OPRM1: variants seen among roughly 807,000 people sequenced by gnomAD.
OPRM1 encodes mu-type opioid receptor.
In OPRM1, 27 loss-of-function variants were observed where a neutral mutation model predicts 31.8. The ratio of observed to expected loss-of-function variants is 0.85; its 90% CI spans 0.63 to 1.17. The LOEUF is 1.17. OPRM1 is among the 50% of genes most tolerant of loss of function. The probability of loss-of-function intolerance (pLI) is 0.00; values close to 1 mark genes in which losing one functional copy is unlikely to be tolerated. For missense variants in OPRM1, 536 were observed against 511.1 expected (o/e 1.05, Z -0.47); for synonymous variants, 196 against 189.9 (o/e 1.03, Z -0.26).
At chr6:154,239,410 T>G (rs1003542164) in intron 3 of OPRM1, among the ~76,000 whole-genome samples, 6 of 152,346 alleles carry the variant, frequency 3.9e-5, no homozygotes, top group African/African-American at 1.4e-4. Context: ...AAAAATTCAT[T>G]TCCACACATG....
At chr6:154,180,623 C>G (rs888369931) in intron 3 of OPRM1, among the ~76,000 whole-genome samples, 1 of 152,042 alleles carries the variant, frequency 6.6e-6, no homozygotes, top group East Asian at 1.9e-4. Flanking sequence ...GTCGAGAACA[C>G]TGTATGCAGA....
chr6:154,162,999 TCAGAG>T (rs1282182596), intron 3 of OPRM1, among the ~76,000 whole-genome samples: 1 of 152,152 alleles, frequency 6.6e-6, no homozygotes, highest in Non-Finnish European at 1.5e-5. Flanking sequence ...TTCCAGTTGC[TCAGAG>T]CAAACACTGG....
Position 154,116,731 on chromosome 6 carries a change from G to A in OPRM1, c.1165-1952G>A, listed in dbSNP as rs533900140. ...GACATAATTTGCACAGTGTTTTAAA[G>A]TATAAGGTCCCACATGAGACAGCCT... On this transcript the variant is annotated intron_variant, in intron 3 of 3. Coordinates refer to ENST00000330432, the MANE Select transcript of OPRM1 (RefSeq NM_000914.5). 3.9e-5 allele frequency among the ~76,000 whole-genome samples: 6 copies of A among 152,262 alleles called. No individual in the cohort carries two copies. In the East Asian group the frequency reaches 9.7e-4, roughly 24 times the overall value.
At chr6:154,172,798 G>A (rs35503700) in intron 3 of OPRM1, among the ~76,000 whole-genome samples, 29,443 of 152,294 alleles carry the variant, frequency 0.19, 3,452 homozygotes, top group East Asian at 0.41. Context: ...CAGCTCTGAA[G>A]AGAGCAGTGG....
At chr6:154,100,193 C>T (rs1381372519) in intron 3 of OPRM1, among the ~76,000 whole-genome samples, 1 of 126,672 alleles carries the variant, frequency 7.9e-6, no homozygotes, top group Non-Finnish European at 1.6e-5. Context: ...TATGACATAT[C>T]ATAATATATA....
intron 3 of OPRM1, among the ~76,000 whole-genome samples, chr6:154,211,348 G>A (rs946828534): frequency 4.6e-5 from 7 of 151,844 alleles, no homozygotes; most frequent in African/African-American, 9.7e-5. Context: ...GGCAGAGCTT[G>A]CAGTGAGCCA....
chr6:154,216,123 A>G (rs1562546900), intron 3 of OPRM1, among the ~76,000 whole-genome samples: 1 of 152,202 alleles, frequency 6.6e-6, no homozygotes, highest in African/African-American at 2.4e-5. Context: ...CCAATCATAA[A>G]TATCAATCCT....
At chr6:154,169,076 C>T (rs1799663222) in intron 3 of OPRM1, among the ~76,000 whole-genome samples, 1 of 151,388 alleles carries the variant, frequency 6.6e-6, no homozygotes, top group African/African-American at 2.4e-5. Context: ...CAAATATCAT[C>T]CAGGCTGGGT....
chr6:154,081,975 A>G (rs1789273194), intron 1 of OPRM1, among the ~76,000 whole-genome samples: 1 of 152,224 alleles, frequency 6.6e-6, no homozygotes, highest in African/African-American at 2.4e-5. Context: ...TTCCTGCAGC[A>G]GGATTCAGAG....
At chr6:154,102,750 T>C (rs1795018935) in intron 3 of OPRM1, among the ~76,000 whole-genome samples, 1 of 152,172 alleles carries the variant, frequency 6.6e-6, no homozygotes, top group Non-Finnish European at 1.5e-5. Flanking sequence ...ATCTAACCTG[T>C]TTAATTTTGT....
intron 3 of OPRM1, among the ~76,000 whole-genome samples, chr6:154,161,365 C>A (rs2128547494): frequency 6.6e-6 from 1 of 152,158 alleles, no homozygotes. Flanking sequence ...CATGCACCAC[C>A]ATGCCTGGCT....
Position 154,120,266 on chromosome 6 carries a change from CA to C in OPRM1, c.*1549del. ...AAGGCACAAATATGTGCCAGATATA[CA>C]AAAGCAATGTTTCTAGAAAACAGCT... On this transcript the variant is annotated 3_prime_UTR_variant, in exon 4 of 4. Transcript: ENST00000330432. 6.6e-6 allele frequency among the ~76,000 whole-genome samples: 1 copy of C among 152,172 alleles called. No individual in the cohort carries two copies. The highest frequency in any genetic ancestry group is 2.4e-5 in the African/African-American group (1 of 41,514).
At chr6:154,199,008 G>C (rs939032837) in intron 3 of OPRM1, among the ~76,000 whole-genome samples, 1 of 152,092 alleles carries the variant, frequency 6.6e-6, no homozygotes, top group African/African-American at 2.4e-5. Context: ...AGTTAGTCCT[G>C]GATAAAAGAC....
chr6:154,083,418 T>G (rs1409317349), intron 1 of OPRM1: 1 of 152,258 alleles, frequency 6.6e-6, no homozygotes, highest in Non-Finnish European at 1.5e-5. Flanking sequence ...CAGATTTTCC[T>G]CTGATATTTT....
At chr6:154,100,098 A>AT (rs1213006299) in intron 3 of OPRM1, among the ~76,000 whole-genome samples, 1 of 61,628 alleles carries the variant, frequency 1.6e-5, no homozygotes, top group Non-Finnish European at 3.1e-5. Flanking sequence ...TTATCATATT[A>AT]TGATATATAT....
At chr6:154,091,516 A>G (rs1322192904) in intron 3 of OPRM1, 44 bp downstream of exon 3, 2 of 1,558,606 alleles carry the variant, frequency 1.3e-6, no homozygotes, top group African/African-American at 2.7e-5. Flanking sequence ...GGGATGACAT[A>G]AAAATTATAA....
chr6:154,224,715 A>AAAAC (rs1232032081), intron 3 of OPRM1, among the ~76,000 whole-genome samples: 1 of 152,280 alleles, frequency 6.6e-6, no homozygotes, highest in African/African-American at 2.4e-5. Flanking sequence ...TGTCTTAAAA[A>AAAAC]AAACAAACAA....
intron 1 of OPRM1, among the ~76,000 whole-genome samples, chr6:154,069,780 A>T (rs1226366455): frequency 6.6e-6 from 1 of 152,142 alleles, no homozygotes; most frequent in Non-Finnish European, 1.5e-5. Context: ...CATTGTGTTT[A>T]CTTAGCACCT....
intron 1 of OPRM1, chr6:154,089,616 A>G: frequency 1.7e-6 from 1 of 577,042 alleles, no homozygotes; most frequent in Non-Finnish European, 3.0e-6. Context: ...AAACTCAACA[A>G]AGCAGCATCG....
Sources: gnomAD v4.1 joint callset for allele counts (sites outside exome capture counted in the v4.1 genomes callset) on GRCh38, gnomAD v4.1.1 for gene constraint, MANE v1.5 for transcripts, NCBI Gene and HGNC (gene_info 2026-07-23, HGNC 2026-07-21) for gene names.